The following CDH13 variants were observed in gnomAD, a reference collection of about 807,000 sequenced individuals.
CDH13 encodes the protein cadherin-13.
CDH13 carries 24 observed loss-of-function variants against 63.8 expected under a neutral mutation model. The observed-to-expected ratio is 0.38, with a 90% CI of 0.27 to 0.53. CDH13 has a LOEUF of 0.53. Among genes scored for constraint, CDH13 ranks in the 20% least tolerant of loss-of-function variants. The pLI is 0.85. For synonymous variants in CDH13, 503 were observed against 355.3 expected (o/e 1.42, Z -4.67); for missense variants, 1,049 against 903.1 (o/e 1.16, Z -2.07).
chr16:82,657,743 C>T (rs1323955381), intron 1 of CDH13, among the ~76,000 whole-genome samples: 1 of 152,138 alleles, frequency 6.6e-6, no homozygotes, highest in Non-Finnish European at 1.5e-5. Flanking sequence ...ATTGCTGGTA[C>T]ATAGGAAAGT....
chr16:82,916,584 T>A (rs1324092483), intron 2 of CDH13, among the ~76,000 whole-genome samples: 5 of 148,514 alleles, frequency 3.4e-5, no homozygotes, highest in Admixed American at 2.0e-4. Flanking sequence ...AAAAAAAAAA[T>A]AAATAAATAA....
intron 4 of CDH13, among the ~76,000 whole-genome samples, chr16:83,138,284 C>G (rs1048089875): frequency 6.6e-6 from 1 of 152,080 alleles, no homozygotes; most frequent in African/African-American, 2.4e-5. Flanking sequence ...CTGGCTACTG[C>G]TTATGGATTC....
chr16:83,305,103 G>C (rs1350369315), intron 5 of CDH13, among the ~76,000 whole-genome samples: 3 of 152,136 alleles, frequency 2.0e-5, no homozygotes, highest in Non-Finnish European at 4.4e-5. Flanking sequence ...TGTCCTGGGG[G>C]GACTCTCCTG....
intron 6 of CDH13, among the ~76,000 whole-genome samples, chr16:83,462,110 A>G (rs2073197122): frequency 6.6e-6 from 1 of 152,218 alleles, no homozygotes; most frequent in Non-Finnish European, 1.5e-5. Flanking sequence ...AGAGGGAAAC[A>G]TGGGGCAGTG....
intron 7 of CDH13, chr16:83,508,268 C>G (rs1188880698): frequency 6.5e-6 from 1 of 154,536 alleles, no homozygotes; most frequent in Non-Finnish European, 1.5e-5. Context: ...GGTTCAATAA[C>G]TCACTTACTG....
chr16:83,748,214 A>G lies in CDH13; in HGVS notation c.1645A>G (p.Ser549Gly). 1 of 1,613,864 alleles carries G rather than the reference A, an allele frequency of 6.2e-7. No homozygotes were observed. Among genetic ancestry groups the G allele is most frequent in the Non-Finnish European group, 8.5e-7 (1 of 1,179,772 alleles). The change falls in exon 11 of 14, where the codon AGC (serine) becomes GGC (glycine). Residue 549 changes from serine (S) to glycine (G), a missense_variant. By Grantham distance (56) the Ser-to-Gly change is moderately conservative. Transcript: ENST00000567109. ...LDRESPFVDN[S>G]VYTALFLAID... ...CCGTGAGTCCCCATTTGTCGACAAC[A>G]GCGTGTACACTGCTCTCTTCCTGGC...
At chr16:82,811,281 C>T (rs1390824478) in intron 1 of CDH13, among the ~76,000 whole-genome samples, 1 of 152,104 alleles carries the variant, frequency 6.6e-6, no homozygotes, top group Non-Finnish European at 1.5e-5. Context: ...GAAAACATTA[C>T]AGATCAGGAC....
intron 5 of CDH13, among the ~76,000 whole-genome samples, chr16:83,295,978 A>C (rs570739299): frequency 1.3e-5 from 2 of 152,314 alleles, no homozygotes; most frequent in South Asian, 4.1e-4. Context: ...AAAGAATTAA[A>C]ATTGTATCTT....
At chr16:83,252,230 T>A (rs1905656056) in intron 5 of CDH13, among the ~76,000 whole-genome samples, 1 of 149,712 alleles carries the variant, frequency 6.7e-6, no homozygotes, top group Non-Finnish European at 1.5e-5. Flanking sequence ...TTGACTGGCA[T>A]TTTTTAGATT....
chr16:82,847,204 G>A (rs1167411976), intron 1 of CDH13, among the ~76,000 whole-genome samples: 2 of 152,194 alleles, frequency 1.3e-5, no homozygotes, highest in African/African-American at 4.8e-5. Flanking sequence ...ATAGTAGACT[G>A]CATTAGTTCC....
chr16:83,495,774 A>G lies in CDH13; in HGVS notation c.960+9119A>G, dbSNP rs138240793. Among the ~76,000 whole-genome samples the G allele has an allele frequency of 7.9e-3, 1,199 of 152,298 alleles. 13 individuals carry two copies. Among genetic ancestry groups the G allele is most frequent in the African/African-American group, 0.023 (959 of 41,542 alleles). ...GAGACTTTTTGGCTTGTAGAGCATG[A>G]TTCCCCAGATGTCTTAGATAGGAAT... On this transcript the variant is annotated intron_variant, in intron 7 of 13. Transcript: ENST00000567109.
chr16:83,267,877 C>T (rs530239911), intron 5 of CDH13, among the ~76,000 whole-genome samples: 39 of 152,292 alleles, frequency 2.6e-4, no homozygotes, highest in Middle Eastern at 3.4e-3. Flanking sequence ...CAGAAGTTCC[C>T]ATGCCCCACA....
At chr16:83,535,448 A>G (rs1033568653) in intron 7 of CDH13, among the ~76,000 whole-genome samples, 1 of 152,244 alleles carries the variant, frequency 6.6e-6, no homozygotes, top group African/African-American at 2.4e-5. Context: ...AGCTGTTGCA[A>G]TAGTTCTGGT....
At chr16:83,621,684 A>G (rs1162322297) in intron 8 of CDH13, among the ~76,000 whole-genome samples, 2 of 151,178 alleles carry the variant, frequency 1.3e-5, no homozygotes, top group East Asian at 3.9e-4. Context: ...ACGAGGTTTC[A>G]CCATGTTGGC....
Position 82,988,567 on chromosome 16 carries a change from G to A in CDH13, c.158-43443G>A, listed in dbSNP as rs774173093. Among the ~76,000 whole-genome samples the A allele has an allele frequency of 7.2e-5, 11 of 152,010 alleles. 1 individual carries two copies. Among genetic ancestry groups the A allele is most frequent in the Non-Finnish European group, 1.3e-4 (9 of 67,984 alleles). On this transcript the variant is annotated intron_variant, in intron 2 of 13. Coordinates refer to ENST00000567109, the MANE Select transcript of CDH13 (RefSeq NM_001257.5). ...ACCTGAGGTCAGGAGTTCGAGACCTGCCTGGCCAACATGGTGAAACCCCGT... is the reference window on the plus strand; with the variant it reads ...ACCTGAGGTCAGGAGTTCGAGACCTACCTGGCCAACATGGTGAAACCCCGT...
intron 5 of CDH13, among the ~76,000 whole-genome samples, chr16:83,323,626 A>C (rs1248354714): frequency 2.0e-5 from 3 of 152,162 alleles, no homozygotes; most frequent in Non-Finnish European, 4.4e-5. Flanking sequence ...AAAAACAAAA[A>C]TAAACAAAAA....
chr16:83,565,970 G>A (rs895131183), intron 7 of CDH13, among the ~76,000 whole-genome samples: 3 of 152,098 alleles, frequency 2.0e-5, no homozygotes, highest in East Asian at 1.9e-4. Flanking sequence ...ATGCTATAGC[G>A]TTTGCACTCC....
At chr16:83,152,745 C>G (rs558639271) in intron 4 of CDH13, among the ~76,000 whole-genome samples, 9 of 152,266 alleles carry the variant, frequency 5.9e-5, no homozygotes, top group African/African-American at 2.2e-4. Flanking sequence ...GTGTTGAAGT[C>G]CTAACCTCTG....
At chr16:83,374,775 A>T (rs1312819332) in intron 6 of CDH13, among the ~76,000 whole-genome samples, 1 of 152,208 alleles carries the variant, frequency 6.6e-6, no homozygotes, top group Non-Finnish European at 1.5e-5. Flanking sequence ...CTCATTAAAG[A>T]TGCATAATAT....
Sources: gnomAD v4.1 joint callset for allele counts (sites outside exome capture counted in the v4.1 genomes callset) on GRCh38, gnomAD v4.1.1 for gene constraint, MANE v1.5 for transcripts, NCBI Gene and HGNC (gene_info 2026-07-23, HGNC 2026-07-21) for gene names.